The following FCHSD2 variants were observed in gnomAD, a reference collection of about 807,000 sequenced individuals.
The protein encoded by FCHSD2 is FCH and double SH3 domains 2.
Under a neutral mutation model 108.1 loss-of-function variants are expected in FCHSD2, and 38 were observed. The ratio of observed to expected loss-of-function variants is 0.35; its 90% CI spans 0.27 to 0.46. The LOEUF is 0.46. Among genes scored for constraint, FCHSD2 ranks in the 20% least tolerant of loss-of-function variants. FCHSD2 has a pLI of 1.00. For missense variants in FCHSD2, 751 were observed against 897.8 expected, an observed-to-expected ratio of 0.84 and a Z score of 2.09; for synonymous variants, 279 against 314.7, an observed-to-expected ratio of 0.89 and a Z score of 1.20.
At chr11:73,074,947 G>A (rs536394849) in intron 3 of FCHSD2, among the ~76,000 whole-genome samples, 1 of 152,180 alleles carries the variant, frequency 6.6e-6, no homozygotes, top group Non-Finnish European at 1.5e-5. Context: ...AGGGAGGGAG[G>A]CAGGGAAAGA....
Position 72,994,287 on chromosome 11 carries a change from A to G in FCHSD2, c.388-5190T>C, listed in dbSNP as rs553595364. On this transcript the variant is annotated intron_variant, in intron 5 of 19. Transcript: ENST00000409418. ...AGCCAAGGGAGTCTGAATGCTTATT[A>G]CTTCTAAAAAGACCCCTTGTGGGCA... Among the ~76,000 whole-genome samples the G allele has an allele frequency of 2.1e-4, 32 of 152,258 alleles. 1 individual carries two copies. The South Asian group carries it at 6.6e-3, about 32-fold the overall frequency.
At chr11:73,028,881 C>T (rs1379355459) in intron 3 of FCHSD2, among the ~76,000 whole-genome samples, 1 of 152,184 alleles carries the variant, frequency 6.6e-6, no homozygotes, top group Non-Finnish European at 1.5e-5. Flanking sequence ...AGATGCCTTG[C>T]TTCCCCTTTG....
intron 9 of FCHSD2, among the ~76,000 whole-genome samples, chr11:72,918,588 G>A (rs1855920817): frequency 6.6e-6 from 1 of 152,012 alleles, no homozygotes; most frequent in African/African-American, 2.4e-5. Context: ...ACTGAATTTT[G>A]TCAAATCTTT....
chr11:72,885,450 AAC>A (rs1855177287), intron 12 of FCHSD2, among the ~76,000 whole-genome samples: 1 of 152,192 alleles, frequency 6.6e-6, no homozygotes, highest in African/African-American at 2.4e-5. Context: ...GAAACTAACA[AAC>A]ACAGTCTAGT....
At chr11:72,892,322 C>T (rs146588900) in intron 10 of FCHSD2, among the ~76,000 whole-genome samples, 59 of 152,210 alleles carry the variant, frequency 3.9e-4, no homozygotes, top group Middle Eastern at 3.4e-3. Flanking sequence ...GTAACTAATG[C>T]CACTGATTGG....
chr11:72,916,968 CTTTT>C (rs71062793), intron 9 of FCHSD2, among the ~76,000 whole-genome samples: 49 of 118,720 alleles, frequency 4.1e-4, no homozygotes, highest in South Asian at 2.2e-3. Flanking sequence ...GAACTTCATT[CTTTT>C]TTTTTTTTTT....
intron 2 of FCHSD2, among the ~76,000 whole-genome samples, chr11:73,094,661 C>G (rs1428761509): frequency 6.6e-6 from 1 of 152,068 alleles, no homozygotes; most frequent in Non-Finnish European, 1.5e-5. Context: ...TTAAATATAC[C>G]TCATATTAGT....
intron 8 of FCHSD2, among the ~76,000 whole-genome samples, chr11:72,957,375 ATGGC>A (rs1330184038): frequency 6.6e-6 from 1 of 150,994 alleles, no homozygotes; most frequent in Admixed American, 6.6e-5. Flanking sequence ...ATCATTTTTT[ATGGC>A]TGCATAGTAT....
rs113666130 is a variant in FCHSD2 at position 73,118,571 on chromosome 11, G to A, written c.119+21460C>T. ...GTTTCTGAGATTCACCCACATTGAT[G>A]TGTGTATCCATAATTCACTCATTTT... On this transcript the variant is annotated intron_variant, in intron 2 of 19. Transcript: ENST00000409418. Among the ~76,000 whole-genome samples the A allele has an allele frequency of 5.1e-3, 771 of 152,330 alleles. 4 individuals are homozygous for A. Among genetic ancestry groups the A allele is most frequent in the Middle Eastern group, 0.01 (3 of 294 alleles).
intron 3 of FCHSD2, among the ~76,000 whole-genome samples, chr11:73,051,007 T>A (rs1858885663): frequency 6.6e-6 from 1 of 152,192 alleles, no homozygotes; most frequent in African/African-American, 2.4e-5. Flanking sequence ...TAGTTTGTTA[T>A]CTATAATGGA....
intron 9 of FCHSD2, among the ~76,000 whole-genome samples, chr11:72,909,717 C>T (rs1018919204): frequency 9.3e-5 from 14 of 150,862 alleles, no homozygotes; most frequent in African/African-American, 3.4e-4. Flanking sequence ...AGCGCCTCTG[C>T]CTGGCCGCCA....
chr11:72,917,386 C>A (rs1435887751), intron 9 of FCHSD2, among the ~76,000 whole-genome samples: 1 of 152,102 alleles, frequency 6.6e-6, no homozygotes, highest in African/African-American at 2.4e-5. Flanking sequence ...TGTTGCAAAT[C>A]AATTGACCAT....
At chr11:73,111,255 T>C (rs1440687061) in intron 2 of FCHSD2, among the ~76,000 whole-genome samples, 4 of 152,146 alleles carry the variant, frequency 2.6e-5, no homozygotes, top group Non-Finnish European at 5.9e-5. Context: ...CCTATCTCTC[T>C]TTTTAGCTCT....
chr11:73,009,022 A>G (rs1028467637), intron 4 of FCHSD2, among the ~76,000 whole-genome samples: 2 of 151,982 alleles, frequency 1.3e-5, no homozygotes, highest in Non-Finnish European at 2.9e-5. Flanking sequence ...GAAAGGAATG[A>G]AAACCTGTTC....
chr11:72,916,300 CTTTTTT>C (rs889180267), intron 9 of FCHSD2, among the ~76,000 whole-genome samples: 2 of 120,238 alleles, frequency 1.7e-5, no homozygotes, highest in African/African-American at 3.1e-5. Flanking sequence ...TGGTACACAA[CTTTTTT>C]TTTTTTTTTT....
chr11:72,953,964 A>G (rs940562592), intron 8 of FCHSD2, among the ~76,000 whole-genome samples: 1 of 152,176 alleles, frequency 6.6e-6, no homozygotes, highest in Non-Finnish European at 1.5e-5. Context: ...TAGGACTTTG[A>G]TAAGAATTCT....
chr11:72,946,023 T>C (rs890547807), intron 8 of FCHSD2, among the ~76,000 whole-genome samples: 4 of 152,212 alleles, frequency 2.6e-5, no homozygotes, highest in African/African-American at 9.6e-5. Flanking sequence ...AAATACCATT[T>C]GACCCAGCCA....
chr11:72,984,336 C>G (rs192236942), intron 7 of FCHSD2, 120 bp from the exon 8 acceptor site: 2 of 812,188 alleles, frequency 2.5e-6, no homozygotes. Flanking sequence ...TAACCACGTG[C>G]GGAAAACATT....
chr11:72,841,600 C>T lies in FCHSD2; in HGVS notation c.1927-17G>A, dbSNP rs75772023. On this transcript the variant is annotated splice_polypyrimidine_tract_variant and intron_variant, in intron 17 of 19. Transcript: ENST00000409418. The stretch of plus-strand genomic sequence containing the variant: ...AGGAGAGATCTGCAGCAAAGGGAAG[C>T]GAGGTTACCCGGTGCTCCCCTCCAG... The T allele has an allele frequency of 7.2e-3, 11,372 of 1,581,910 alleles. 65 individuals are homozygous for T. Among genetic ancestry groups the T allele is most frequent in the South Asian group, 0.013 (1,155 of 86,328 alleles).
Sources: allele counts gnomAD v4.1 joint callset (sites outside exome capture counted in the v4.1 genomes callset), GRCh38; gene constraint gnomAD v4.1.1; transcripts MANE v1.5; gene names NCBI Gene and HGNC (gene_info 2026-07-23, HGNC 2026-07-21).